Variants in SORCS3 observed in about 807,000 individuals in gnomAD.
SORCS3 encodes VPS10 domain-containing receptor SorCS3.
SORCS3 carries 57 observed loss-of-function variants against 146.3 expected under a neutral mutation model. The observed-to-expected ratio is 0.39, with a 90% CI of 0.31 to 0.49. SORCS3 has a LOEUF of 0.49. SORCS3 is among the 20% of genes least tolerant of loss of function. The pLI, the probability that SORCS3 is intolerant of heterozygous loss-of-function variation, is 0.92. For synonymous variants in SORCS3, 653 were observed against 618.5 expected, an observed-to-expected ratio of 1.06 and a Z score of -0.83; for missense variants, 1,341 against 1,575.5, an observed-to-expected ratio of 0.85 and a Z score of 2.52.
intron 5 of SORCS3, among the ~76,000 whole-genome samples, chr10:105,057,335 G>A (rs1333633447): frequency 1.3e-5 from 2 of 152,030 alleles, no homozygotes; most frequent in African/African-American, 4.8e-5. Context: ...AAATGAAAAT[G>A]TTTAGAAAAT....
At chr10:105,088,095 C>G (rs2055675517) in intron 5 of SORCS3, among the ~76,000 whole-genome samples, 1 of 152,138 alleles carries the variant, frequency 6.6e-6, no homozygotes, top group Non-Finnish European at 1.5e-5. Flanking sequence ...TGAGAGTTCA[C>G]TAGGGAAGGA....
chr10:105,030,043 T>A (rs1481507526), intron 4 of SORCS3, among the ~76,000 whole-genome samples: 1 of 152,204 alleles, frequency 6.6e-6, no homozygotes, highest in Non-Finnish European at 1.5e-5. Context: ...TTCACCCTAC[T>A]TACATAAGAC....
At chr10:104,798,361 G>A (rs56092551) in intron 1 of SORCS3, among the ~76,000 whole-genome samples, 5,860 of 152,212 alleles carry the variant, frequency 0.038, 135 homozygotes, top group Admixed American at 0.06. Context: ...GTAAGAAACT[G>A]GAAGCTGGTG....
In SORCS3 at chr10:105,208,781, A is replaced by C. The variant is rs918516657; in HGVS notation, c.2262-2356A>C. Among the ~76,000 whole-genome samples, 11 of 152,214 alleles carry C rather than the reference A, an allele frequency of 7.2e-5. No homozygotes were observed. The East Asian group carries it at 2.1e-3, about 29-fold the overall frequency. ...TAACAACCATTAATTAGCTTGCAAA[A>C]TTTCTGAGATGTTAACTGTGAGCTC... On this transcript the variant is annotated intron_variant, in intron 16 of 26. Transcript: ENST00000369701.
At chr10:104,925,797 A>T (rs1265601778) in intron 3 of SORCS3, among the ~76,000 whole-genome samples, 1 of 152,208 alleles carries the variant, frequency 6.6e-6, no homozygotes, top group Non-Finnish European at 1.5e-5. Flanking sequence ...TAGCAAGGAG[A>T]TGCTGTATCA....
intron 1 of SORCS3, among the ~76,000 whole-genome samples, chr10:104,793,874 C>A (rs2017521472): frequency 6.6e-6 from 1 of 152,130 alleles, no homozygotes; most frequent in Non-Finnish European, 1.5e-5. Context: ...GATCTACTAG[C>A]ATTTAGGTGG....
intron 17 of SORCS3, among the ~76,000 whole-genome samples, chr10:105,213,105 T>G (rs953595423): frequency 6.6e-6 from 1 of 152,206 alleles, no homozygotes; most frequent in Non-Finnish European, 1.5e-5. Context: ...GCCTACCATA[T>G]GGACAAGTGG....
intron 5 of SORCS3, among the ~76,000 whole-genome samples, chr10:105,086,612 A>T (rs2055662159): frequency 6.6e-6 from 1 of 152,112 alleles, no homozygotes; most frequent in Non-Finnish European, 1.5e-5. Context: ...AGAGGCAGAG[A>T]CTTTTCTTTC....
At position 105,211,181 on chromosome 10, in the gene SORCS3, C is replaced by G; in HGVS notation, c.2306C>G (p.Ala769Gly). 1 of 1,614,070 alleles carries G rather than the reference C, an allele frequency of 6.2e-7. No individual in the cohort carries two copies. The highest frequency in any genetic ancestry group is 8.5e-7 in the Non-Finnish European group (1 of 1,179,954). Residue 769 changes from alanine to glycine, a missense_variant, in exon 17 of 27, where the codon GCT becomes GGT. Ala to Gly is a moderately conservative substitution (Grantham distance 60). Coordinates refer to ENST00000369701, the MANE Select transcript of SORCS3 (RefSeq NM_014978.3). ...CATGGGGAGAGCCAGTGTGTCCCAG[C>G]TTTCTGGTACAATCCAGCATCCCCA... is the stretch of plus-strand genomic sequence containing the variant. ...ERHGESQCVP[A>G]FWYNPASPSK...
chr10:104,820,856 G>A, intron 1 of SORCS3, among the ~76,000 whole-genome samples: 1 of 152,170 alleles, frequency 6.6e-6, no homozygotes, highest in Non-Finnish European at 1.5e-5. Context: ...AAAAGAAGGA[G>A]CAACAGAATC....
At chr10:104,758,722 G>C (rs187912825) in intron 1 of SORCS3, among the ~76,000 whole-genome samples, 1 of 152,256 alleles carries the variant, frequency 6.6e-6, no homozygotes, top group African/African-American at 2.4e-5. Context: ...GGATATTGTG[G>C]CTCCTCGCCA....
Position 104,778,856 on chromosome 10 carries a change from C to T in SORCS3, c.628-63936C>T, listed in dbSNP as rs1025391408. ...CCTGCAAAAGGTCCACATCTCCACT[C>T]CTGGAACCTGTGGATGTTACCCTAT... On this transcript the variant is annotated intron_variant, in intron 1 of 26. Transcript: ENST00000369701. 3.9e-5 allele frequency among the ~76,000 whole-genome samples: 6 copies of T among 152,116 alleles called. No homozygotes were observed. The East Asian group carries it at 7.7e-4, about 20-fold the overall frequency.
rs1313239101 is a variant in SORCS3 at position 105,252,917 on chromosome 10, G to C, written c.3237+11G>C. 1 of 1,613,400 alleles carries C rather than the reference G, an allele frequency of 6.2e-7. No homozygotes were observed. The highest frequency in any genetic ancestry group is 8.5e-7 in the Non-Finnish European group (1 of 1,179,644). ...GGGGACCTGGAACAAGTAAGTGAAA[G>C]TAAATCTGGCTGGGACCCTTGCCTG... On this transcript the variant is annotated intron_variant, in intron 23 of 26. Coordinates refer to ENST00000369701, the MANE Select transcript of SORCS3 (RefSeq NM_014978.3).
At chr10:104,982,377 T>C (rs1211170242) in intron 4 of SORCS3, among the ~76,000 whole-genome samples, 3 of 152,160 alleles carry the variant, frequency 2.0e-5, no homozygotes, top group Non-Finnish European at 4.4e-5. Flanking sequence ...AGATTAAAAA[T>C]GTAATTTTGT....
At chr10:105,017,472 C>G (rs956731573) in intron 4 of SORCS3, among the ~76,000 whole-genome samples, 1 of 152,106 alleles carries the variant, frequency 6.6e-6, no homozygotes, top group African/African-American at 2.4e-5. Flanking sequence ...TTGCTAGCAG[C>G]ATAGGATATG....
chr10:104,855,586 A>C (rs2018321567), intron 2 of SORCS3, among the ~76,000 whole-genome samples: 1 of 152,140 alleles, frequency 6.6e-6, no homozygotes, highest in South Asian at 2.1e-4. Context: ...TGATTGTAAA[A>C]TATATTGTTT....
At chr10:104,682,302 T>G (rs1436448751) in intron 1 of SORCS3, among the ~76,000 whole-genome samples, 2 of 152,218 alleles carry the variant, frequency 1.3e-5, no homozygotes, top group Admixed American at 1.3e-4. Context: ...GGTGAATGAA[T>G]GAATATGAGG....
chr10:104,881,774 G>T (rs141878554), intron 2 of SORCS3, among the ~76,000 whole-genome samples: 2 of 152,130 alleles, frequency 1.3e-5, no homozygotes, highest in Admixed American at 6.5e-5. Flanking sequence ...ATGAAATGAG[G>T]TGTAACATCA....
chr10:105,145,457 C>T (rs1021734329), intron 8 of SORCS3, among the ~76,000 whole-genome samples: 12 of 152,004 alleles, frequency 7.9e-5, no homozygotes, highest in African/African-American at 2.9e-4. Context: ...CTGACCATGC[C>T]CTGGTGTTTT....
Sources: gnomAD v4.1 joint callset for allele counts (sites outside exome capture counted in the v4.1 genomes callset) on GRCh38, gnomAD v4.1.1 for gene constraint, MANE v1.5 for transcripts, NCBI Gene and HGNC (gene_info 2026-07-23, HGNC 2026-07-21) for gene names.